DGKH: variants seen among roughly 807,000 people sequenced by gnomAD.
The protein encoded by DGKH is diacylglycerol kinase eta.
Under a neutral mutation model 159.3 loss-of-function variants are expected in DGKH, and 90 were observed. That is an observed-to-expected ratio of 0.57 (90% CI 0.48 to 0.67). The LOEUF (loss-of-function observed/expected upper bound fraction) is 0.67. DGKH is among the 30% of genes least tolerant of loss of function. The pLI, the probability that DGKH is intolerant of heterozygous loss-of-function variation, is 0.00. For synonymous variants in DGKH, 536 were observed against 553.8 expected, an observed-to-expected ratio of 0.97 and a Z score of 0.45; for missense variants, 1,181 against 1,506.1, an observed-to-expected ratio of 0.78 and a Z score of 3.57.
chr13:42,053,536 G>T (rs1350725161), intron 1 of DGKH, among the ~76,000 whole-genome samples: 1 of 51,878 alleles, frequency 1.9e-5, no homozygotes, highest in Admixed American at 1.3e-4. Context: ...AACTATATAT[G>T]TATATATATA....
At chr13:42,141,807 A>G (rs571424147) in intron 3 of DGKH, among the ~76,000 whole-genome samples, 1 of 152,170 alleles carries the variant, frequency 6.6e-6, no homozygotes, top group Admixed American at 6.5e-5. Context: ...CCTTTGTCAG[A>G]TGAGTAGATT....
intron 3 of DGKH, among the ~76,000 whole-genome samples, chr13:42,153,130 A>G (rs982590422): frequency 6.6e-6 from 1 of 152,202 alleles, no homozygotes; most frequent in Non-Finnish European, 1.5e-5. Context: ...ACAAGTTTTT[A>G]TTGAAAAGGA....
At chr13:42,124,262 A>G (rs1242273553) in intron 1 of DGKH, among the ~76,000 whole-genome samples, 1 of 151,732 alleles carries the variant, frequency 6.6e-6, no homozygotes, top group Non-Finnish European at 1.5e-5. Flanking sequence ...CATGTAGCTA[A>G]TACTGATACG....
intron 1 of DGKH, among the ~76,000 whole-genome samples, chr13:42,040,739 G>T (rs939151466): frequency 1.3e-5 from 2 of 149,434 alleles, no homozygotes; most frequent in Non-Finnish European, 3.0e-5. Context: ...CCGGTGGCTG[G>T]CCCCGGGCGG....
chr13:42,246,597 G>A (rs1167339509), downstream of DGKH, among the ~76,000 whole-genome samples: 1 of 152,130 alleles, frequency 6.6e-6, no homozygotes, highest in Non-Finnish European at 1.5e-5. Flanking sequence ...TTCTGGCAAC[G>A]ACATTTTGGA....
rs1006247331 is a variant in DGKH at position 42,065,521 on chromosome 13, G to A, written c.192+16556G>A. On this transcript the variant is annotated intron_variant, in intron 1 of 29. Transcript: ENST00000337343. ...TCATTGTCATTTGCTATGGAACAAG[G>A]GAGTGGATATAATGAAGGGAGAGGA... is the stretch of plus-strand genomic sequence containing the variant. Among the ~76,000 whole-genome samples the A allele has an allele frequency of 2.6e-5, 4 of 152,310 alleles. No homozygotes were observed. In the South Asian group the frequency reaches 6.2e-4, roughly 24 times the overall value.
intron 18 of DGKH, 93 bp from the exon 19 acceptor site, chr13:42,199,473 C>G: frequency 1.2e-6 from 1 of 851,486 alleles, no homozygotes; most frequent in South Asian, 2.0e-5. Context: ...AAAATGAAAG[C>G]TTAAATGGTT....
At chr13:42,186,836 T>C (rs1166572783) in intron 13 of DGKH, among the ~76,000 whole-genome samples, 1 of 152,256 alleles carries the variant, frequency 6.6e-6, no homozygotes, top group Admixed American at 6.5e-5. Context: ...TTAAGTAATA[T>C]ACAGCAAGGC....
intron 1 of DGKH, among the ~76,000 whole-genome samples, chr13:42,053,386 CTA>C (rs1253966239): frequency 6.8e-6 from 1 of 146,786 alleles, no homozygotes; most frequent in South Asian, 2.1e-4. Context: ...CTATATATAA[CTA>C]TATATGTAAC....
At chr13:42,168,629 T>G in intron 10 of DGKH, 50 bp from the exon 11 acceptor site, 1 of 1,613,598 alleles carries the variant, frequency 6.2e-7, no homozygotes, top group Middle Eastern at 1.6e-4. Context: ...AATGCAGTAG[T>G]CCCTATTTCT....
chr13:42,042,861 T>C (rs1455662613), intron 1 of DGKH, among the ~76,000 whole-genome samples: 1 of 152,242 alleles, frequency 6.6e-6, no homozygotes, highest in Non-Finnish European at 1.5e-5. Flanking sequence ...ATCGAAGAAC[T>C]AATGAAGGGA....
chr13:42,224,750 A>G (rs1958075464), intron 29 of DGKH, among the ~76,000 whole-genome samples: 1 of 151,706 alleles, frequency 6.6e-6, no homozygotes, highest in Admixed American at 6.6e-5. Flanking sequence ...ACTTTTTCTC[A>G]CCTTGGGGAT....
At chr13:42,190,563 A>G in intron 16 of DGKH, 38 bp downstream of exon 16, 1 of 1,554,482 alleles carries the variant, frequency 6.4e-7, no homozygotes, top group East Asian at 2.4e-5. Flanking sequence ...GGAATTAAAT[A>G]AAATGTCATT....
intron 3 of DGKH, among the ~76,000 whole-genome samples, chr13:42,136,556 ATT>A (rs1955406650): frequency 6.6e-6 from 1 of 152,210 alleles, no homozygotes; most frequent in South Asian, 2.1e-4. Context: ...TTTTAAAGAA[ATT>A]TTTGTACTGG....
chr13:42,101,800 A>G (rs1489081066), intron 1 of DGKH, among the ~76,000 whole-genome samples: 1 of 152,044 alleles, frequency 6.6e-6, no homozygotes, highest in Non-Finnish European at 1.5e-5. Flanking sequence ...AGAGAAAGAG[A>G]GAGAAATAAG....
At chr13:42,115,369 A>G (rs545345116) in intron 1 of DGKH, among the ~76,000 whole-genome samples, 8 of 152,344 alleles carry the variant, frequency 5.3e-5, no homozygotes, top group Admixed American at 2.0e-4. Flanking sequence ...AAAATAAATG[A>G]GGTACAGTTT....
In DGKH at chr13:42,199,625, A is replaced by C; in HGVS notation, c.2345A>C (p.Lys782Thr). The change falls in exon 19 of 30, where the codon AAA becomes ACA. Residue 782 changes from lysine (K) to threonine (T), a missense_variant. Lys to Thr is a moderately conservative substitution (Grantham distance 78, BLOSUM62 -1). This residue lies in a region of DGKH where 335 missense variants were observed against 495.2 expected (regional missense o/e 0.68). Coordinates refer to ENST00000337343, the MANE Select transcript of DGKH (RefSeq NM_178009.5). ...NNYFGIGLDA[K>T]ISLEFNNKRE... ...TACTTTGGGATTGGATTAGATGCAAAAATTTCATTAGAATTTAATAATAAA... is the reference window on the plus strand; with the variant it reads ...TACTTTGGGATTGGATTAGATGCAACAATTTCATTAGAATTTAATAATAAA... The C allele has an allele frequency of 6.2e-7, 1 of 1,605,656 alleles. No homozygotes were observed. The highest frequency in any genetic ancestry group is 1.1e-5 in the South Asian group (1 of 88,248).
downstream of DGKH, among the ~76,000 whole-genome samples, chr13:42,245,377 T>A (rs1235897055): frequency 6.6e-6 from 1 of 152,182 alleles, no homozygotes; most frequent in Non-Finnish European, 1.5e-5. Context: ...CATTATCTAT[T>A]TGTTGAATAA....
intron 13 of DGKH, chr13:42,181,351 A>G: frequency 6.5e-6 from 1 of 154,372 alleles, no homozygotes. Flanking sequence ...TGAATGACAG[A>G]GGAGAGGCTT....
Sources: gnomAD v4.1 joint callset for allele counts (sites outside exome capture counted in the v4.1 genomes callset) on GRCh38, gnomAD v4.1.1 for gene constraint, gnomAD v4.1.1 regional missense constraint, MANE v1.5 for transcripts, NCBI Gene and HGNC (gene_info 2026-07-23, HGNC 2026-07-21) for gene names.